ABCC12: variants seen among roughly 807,000 people sequenced by gnomAD.
The protein encoded by ABCC12 is ATP-binding cassette sub-family C member 12.
ABCC12 carries 142 observed loss-of-function variants against 151.1 expected under a neutral mutation model. The ratio of observed to expected loss-of-function variants is 0.94; its 90% CI spans 0.82 to 1.08. The LOEUF is 1.08. Ranked by LOEUF, ABCC12 falls within the 50% of genes least tolerant of loss-of-function variation. The probability of loss-of-function intolerance (pLI) is 0.00; values close to 1 mark genes in which losing one functional copy is unlikely to be tolerated. For missense variants in ABCC12, 1,638 were observed against 1,691.1 expected, an observed-to-expected ratio of 0.97 and a Z score of 0.55; for synonymous variants, 645 against 646.4, an observed-to-expected ratio of 1.00 and a Z score of 0.03.
intron 27 of ABCC12, chr16:48,087,221 C>CT (rs1337886156): frequency 1.0e-5 from 2 of 197,816 alleles, no homozygotes; most frequent in Non-Finnish European, 2.1e-5. Flanking sequence ...TCGGCAGCTC[C>CT]TAGGGCCTCA....
In ABCC12 at chr16:48,133,711, C is replaced by G; in HGVS notation, c.1104G>C (p.Leu368=). The change falls in exon 9 of 31, where the codon CTG becomes CTC. Residue 368 remains leucine (L), a synonymous_variant. Coordinates refer to ENST00000311303, the MANE Select transcript of ABCC12 (RefSeq NM_001393797.1). ...CCACGGGTGCGGTGAGTTTGCGTCTCAGGAGGATGTGGCAGGATAATGTCA... is the reference window on the plus strand; with the variant it reads ...CCACGGGTGCGGTGAGTTTGCGTCTGAGGAGGATGTGGCAGGATAATGTCA... ...IVLTLSCHIL[L]RRKLTAPVAF... 1 of 1,614,044 alleles carries G rather than the reference C, an allele frequency of 6.2e-7. No homozygotes were observed. Among genetic ancestry groups the G allele is most frequent in the Non-Finnish European group, 8.5e-7 (1 of 1,180,008 alleles).
chr16:48,105,176 A>G lies in ABCC12; in HGVS notation c.2636T>C (p.Met879Thr). Residue 879 changes from methionine (M) to threonine (T), a missense_variant, in exon 21 of 31, where the codon ATG (methionine) becomes ACG (threonine). Met to Thr is a moderately conservative substitution (Grantham distance 81). Coordinates refer to ENST00000311303, the MANE Select transcript of ABCC12 (RefSeq NM_001393797.1). ...CGTGTCATGCAGAGAGGAGGATGCCATCAGTGTGGTCTTGGTGAAGACGAA... is the reference window on the plus strand; with the variant it reads ...CGTGTCATGCAGAGAGGAGGATGCCGTCAGTGTGGTCTTGGTGAAGACGAA... ...KGFVFTKTTL[M>T]ASSSLHDTVF... 2 of 1,614,184 alleles carry G rather than the reference A, an allele frequency of 1.2e-6. No homozygotes were observed. The highest frequency in any genetic ancestry group is 1.7e-6 in the Non-Finnish European group (2 of 1,180,036).
At chr16:48,142,894 G>C (rs988542076) in intron 4 of ABCC12, among the ~76,000 whole-genome samples, 1 of 152,188 alleles carries the variant, frequency 6.6e-6, no homozygotes, top group African/African-American at 2.4e-5. Context: ...AGCCCAGGGT[G>C]TGTTTAATCA....
At chr16:48,139,076 G>T in intron 7 of ABCC12, 87 bp downstream of exon 7, 3 of 1,418,032 alleles carry the variant, frequency 2.1e-6, no homozygotes, top group East Asian at 4.7e-5. Context: ...GGCTTCATGC[G>T]CCAGAAATGC....
At chr16:48,111,308 G>A in intron 18 of ABCC12, 128 bp downstream of exon 18, 1 of 1,107,836 alleles carries the variant, frequency 9.0e-7, no homozygotes, top group Non-Finnish European at 1.3e-6. Flanking sequence ...AAGGCACACA[G>A]TACCCTAGAC....
intron 8 of ABCC12, among the ~76,000 whole-genome samples, chr16:48,134,319 T>C (rs1964534175): frequency 6.6e-6 from 1 of 152,152 alleles, no homozygotes; most frequent in African/African-American, 2.4e-5. Context: ...AAGGAAAATC[T>C]TGAGTTCCTT....
At chr16:48,096,644 C>G (rs565920027) in intron 24 of ABCC12, 102 bp downstream of exon 24, 150 of 1,225,112 alleles carry the variant, frequency 1.2e-4, no homozygotes, top group Non-Finnish European at 1.7e-4. Context: ...CATTTAAACC[C>G]ATTCGAGTTG....
chr16:48,128,408 T>C (rs1285790172), intron 11 of ABCC12, 51 bp downstream of exon 11: 1 of 1,597,330 alleles, frequency 6.3e-7, no homozygotes. Context: ...GCTGTAGCTA[T>C]GTAATGCAAG....
intron 4 of ABCC12, among the ~76,000 whole-genome samples, chr16:48,141,721 A>C (rs1347878107): frequency 6.6e-6 from 1 of 152,214 alleles, no homozygotes; most frequent in Non-Finnish European, 1.5e-5. Flanking sequence ...CTGGAAGAAG[A>C]CCAGAGAGAC....
chr16:48,088,685 T>G lies in ABCC12; in HGVS notation c.3335A>C (p.Lys1112Thr). Residue 1112 changes from lysine (K) to threonine (T), a missense_variant, in exon 26 of 31, where the codon AAG becomes ACG. Transcript: ENST00000311303. ...GATCTCCCCACGGCTGGGCCAGTCC[T>G]TGGGACAGGTCCCCACTTTGAGGGG... Reference protein sequence around the residue: ...THPLKVGTCPKDWPSRGEITF... With the variant: ...THPLKVGTCPTDWPSRGEITF... The G allele has an allele frequency of 6.2e-7, 1 of 1,614,148 alleles. No homozygotes were observed. Among genetic ancestry groups the G allele is most frequent in the Non-Finnish European group, 8.5e-7 (1 of 1,179,996 alleles).
chr16:48,146,824 TCA>T (rs1224226899), intron 2 of ABCC12: 1 of 210,760 alleles, frequency 4.7e-6, no homozygotes, highest in African/African-American at 2.3e-5. Flanking sequence ...TTAGTATTAC[TCA>T]GAGTTAAGTT....
chr16:48,101,267 C>T (rs886919940), intron 22 of ABCC12, among the ~76,000 whole-genome samples: 14 of 152,128 alleles, frequency 9.2e-5, no homozygotes, highest in South Asian at 2.1e-4. Context: ...AGGAAAGTCT[C>T]GCTCCACAAG....
Position 48,082,538 on chromosome 16 carries a change from T to C in ABCC12, c.*1177A>G, listed in dbSNP as rs1419995766. ...CTGTCATTCATGGCTGCCACAAGTG[T>C]TTCCCGAGTGCTTCCAGGTGCCAGG... On this transcript the variant is annotated 3_prime_UTR_variant, in exon 31 of 31. Coordinates refer to ENST00000311303, the MANE Select transcript of ABCC12 (RefSeq NM_001393797.1). Among the ~76,000 whole-genome samples, 29 of 152,164 alleles carry C rather than the reference T, an allele frequency of 1.9e-4. 1 individual carries two copies. The highest frequency in any genetic ancestry group is 1.9e-3 in the Admixed American group (29 of 15,276).
chr16:48,088,185 T>C, intron 26 of ABCC12, 100 bp from the exon 27 acceptor site: 2 of 1,354,346 alleles, frequency 1.5e-6, no homozygotes, highest in Admixed American at 4.0e-5. Context: ...AATGCAAATG[T>C]CTCCGTAAGG....
intron 1 of ABCC12, 87 bp downstream of exon 1, chr16:48,155,754 G>A (rs181393475): frequency 4.4e-4 from 67 of 152,296 alleles, no homozygotes; most frequent in African/African-American, 1.6e-3. Context: ...CTGTCCTGAG[G>A]ATGAGAAACA....
At position 48,115,620 on chromosome 16, in the gene ABCC12, T is replaced by TGGGGAGG. The variant is rs1489178893; in HGVS notation, c.1786-3_1786-2insCCTCCCC. The TGGGGAGG allele has an allele frequency of 5.0e-6, 8 of 1,612,582 alleles. No individual in the cohort carries two copies. The highest frequency in any genetic ancestry group is 6.8e-6 in the Non-Finnish European group (8 of 1,179,312). ...GAGGTTGAGGCCCCGCTCCCCAATC[T>TGGGGAGG]GTGGACAGGGACAATGCTACTGCCC... On this transcript the variant is annotated splice_region_variant and splice_polypyrimidine_tract_variant and intron_variant, in intron 14 of 30. Coordinates refer to ENST00000311303, the MANE Select transcript of ABCC12 (RefSeq NM_001393797.1).
chr16:48,084,951 G>A (rs1484494839), intron 29 of ABCC12, among the ~76,000 whole-genome samples: 1 of 152,024 alleles, frequency 6.6e-6, no homozygotes, highest in African/African-American at 2.4e-5. Context: ...TTCCCTCGTA[G>A]GTGAAAGGGG....
rs774507365 is a variant in ABCC12 at position 48,140,758 on chromosome 16, C to A, written c.586G>T (p.Val196Leu). The change falls in exon 6 of 31, where the codon GTG (valine) becomes TTG (leucine). Residue 196 changes from valine (V) to leucine (L), a missense_variant. Coordinates refer to ENST00000311303, the MANE Select transcript of ABCC12 (RefSeq NM_001393797.1). ...TCAAAAACCAAGGTGGAGAGCGCCA[C>A]CTTCAACCGGATGGCCGTGCGGTAG... ...INYRTAIRLK[V>L]ALSTLVFENL... 2 of 1,614,190 alleles carry A rather than the reference C, an allele frequency of 1.2e-6. No individual in the cohort carries two copies. Among genetic ancestry groups the A allele is most frequent in the Admixed American group, 3.3e-5 (2 of 60,018 alleles).
At chr16:48,152,877 G>T (rs1965135548) in intron 2 of ABCC12, among the ~76,000 whole-genome samples, 1 of 152,194 alleles carries the variant, frequency 6.6e-6, no homozygotes. Flanking sequence ...AAACATCCCA[G>T]ATTAAAGGAT....
Sources: allele counts gnomAD v4.1 joint callset (sites outside exome capture counted in the v4.1 genomes callset), GRCh38; gene constraint gnomAD v4.1.1; transcripts MANE v1.5; gene names NCBI Gene and HGNC (gene_info 2026-07-23, HGNC 2026-07-21).